The following SEMA5A variants were observed in gnomAD, a reference collection of about 807,000 sequenced individuals.
The protein encoded by SEMA5A is semaphorin-5A.
In SEMA5A, 55 loss-of-function variants were observed where a neutral mutation model predicts 135.5. The ratio of observed to expected loss-of-function variants is 0.41; its 90% CI spans 0.33 to 0.51. The LOEUF (loss-of-function observed/expected upper bound fraction) is 0.51, where lower values mean the gene tolerates loss of function less well. SEMA5A is among the 20% of genes least tolerant of loss of function. The probability of loss-of-function intolerance (pLI) is 0.37; values close to 1 mark genes in which losing one functional copy is unlikely to be tolerated. For missense variants in SEMA5A, 1,290 were observed against 1,419.9 expected, an observed-to-expected ratio of 0.91 and a Z score of 1.47; for synonymous variants, 580 against 546.5, an observed-to-expected ratio of 1.06 and a Z score of -0.85.
At chr5:9,434,343 T>G (rs1757958715) in intron 2 of SEMA5A, among the ~76,000 whole-genome samples, 1 of 152,190 alleles carries the variant, frequency 6.6e-6, no homozygotes, top group African/African-American at 2.4e-5. Context: ...CGTCTGTGAT[T>G]GTCTTCAATA....
chr5:9,330,446 T>C (rs1325623798), intron 4 of SEMA5A, among the ~76,000 whole-genome samples: 1 of 151,584 alleles, frequency 6.6e-6, no homozygotes, highest in African/African-American at 2.4e-5. Context: ...TGTTTTTGTT[T>C]TGTTTTGTTT....
intron 5 of SEMA5A, among the ~76,000 whole-genome samples, chr5:9,249,729 T>A (rs1410518575): frequency 1.3e-5 from 2 of 152,134 alleles, no homozygotes; most frequent in Non-Finnish European, 2.9e-5. Context: ...GATGTAGGGA[T>A]CTGGAGATGG....
At chr5:9,162,795 T>G (rs1743367584) in intron 11 of SEMA5A, among the ~76,000 whole-genome samples, 1 of 151,934 alleles carries the variant, frequency 6.6e-6, no homozygotes, top group Non-Finnish European at 1.5e-5. Flanking sequence ...GGAAGGGACG[T>G]AAAACAATAT....
chr5:9,236,890 G>A (rs1194595038), intron 6 of SEMA5A, among the ~76,000 whole-genome samples: 1 of 152,074 alleles, frequency 6.6e-6, no homozygotes, highest in Non-Finnish European at 1.5e-5. Context: ...TCAGTTAAAG[G>A]GCAGGGAAGC....
chr5:9,392,307 T>A (rs1487447066), intron 2 of SEMA5A, among the ~76,000 whole-genome samples: 1 of 152,218 alleles, frequency 6.6e-6, no homozygotes, highest in Non-Finnish European at 1.5e-5. Context: ...TTATATGAAA[T>A]TGATTTAAAG....
At chr5:9,446,249 C>G (rs1758428409) in intron 1 of SEMA5A, among the ~76,000 whole-genome samples, 1 of 152,144 alleles carries the variant, frequency 6.6e-6, no homozygotes, top group Non-Finnish European at 1.5e-5. Flanking sequence ...GGAGTAAACA[C>G]TTCCTATTTC....
chr5:9,423,577 G>A (rs1757544825), intron 2 of SEMA5A, among the ~76,000 whole-genome samples: 1 of 152,232 alleles, frequency 6.6e-6, no homozygotes, highest in African/African-American at 2.4e-5. Flanking sequence ...TGTGAGAAAT[G>A]TGAGCCTTAT....
At chr5:9,433,679 C>A (rs1757932365) in intron 2 of SEMA5A, among the ~76,000 whole-genome samples, 1 of 145,062 alleles carries the variant, frequency 6.9e-6, no homozygotes, top group African/African-American at 2.5e-5. Flanking sequence ...AAAAAATTAG[C>A]AAAGAAACAC....
intron 1 of SEMA5A, among the ~76,000 whole-genome samples, chr5:9,531,366 G>C (rs1737425811): frequency 6.6e-6 from 1 of 152,194 alleles, no homozygotes; most frequent in Non-Finnish European, 1.5e-5. Flanking sequence ...GCTTTGTGTG[G>C]TTTGACAGAT....
chr5:9,138,247 G>A (rs1162860034), intron 12 of SEMA5A, among the ~76,000 whole-genome samples: 1 of 152,114 alleles, frequency 6.6e-6, no homozygotes, highest in African/African-American at 2.4e-5. Context: ...AGGACAAGGG[G>A]AAAGCCTATT....
chr5:9,300,217 A>G (rs2150608466), intron 5 of SEMA5A, among the ~76,000 whole-genome samples: 1 of 152,216 alleles, frequency 6.6e-6, no homozygotes, highest in South Asian at 2.1e-4. Flanking sequence ...TTGTAGAGAC[A>G]GGGTTTCGCC....
chr5:9,378,847 TG>T (rs1356209019), intron 3 of SEMA5A, among the ~76,000 whole-genome samples: 1 of 152,126 alleles, frequency 6.6e-6, no homozygotes, highest in Non-Finnish European at 1.5e-5. Flanking sequence ...ATTTATTATT[TG>T]TTTGTTTGTT....
chr5:9,241,848 C>T (rs1748215946), intron 5 of SEMA5A, among the ~76,000 whole-genome samples: 1 of 152,082 alleles, frequency 6.6e-6, no homozygotes, highest in Non-Finnish European at 1.5e-5. Context: ...CACTCCACCG[C>T]CAGATAAGTT....
chr5:9,413,077 T>C (rs1757161672), intron 2 of SEMA5A, among the ~76,000 whole-genome samples: 1 of 152,102 alleles, frequency 6.6e-6, no homozygotes, highest in South Asian at 2.1e-4. Context: ...CTCCTAGCTA[T>C]GGGTACAAAG....
intron 5 of SEMA5A, among the ~76,000 whole-genome samples, chr5:9,312,628 C>G (rs1023532620): frequency 6.6e-6 from 1 of 152,168 alleles, no homozygotes; most frequent in African/African-American, 2.4e-5. Flanking sequence ...TTACCTCATA[C>G]AGATAACATT....
intron 16 of SEMA5A, among the ~76,000 whole-genome samples, chr5:9,077,859 A>C (rs1424307834): frequency 6.6e-6 from 1 of 152,238 alleles, no homozygotes; most frequent in Non-Finnish European, 1.5e-5. Context: ...TCTTGCTCAA[A>C]AGTGATGTAT....
chr5:9,071,944 C>G (rs754753428), intron 16 of SEMA5A, among the ~76,000 whole-genome samples: 10 of 152,162 alleles, frequency 6.6e-5, no homozygotes, highest in Admixed American at 4.6e-4. Context: ...GAAGTAGAAC[C>G]ATGCTCCCAG....
intron 13 of SEMA5A, among the ~76,000 whole-genome samples, chr5:9,128,179 G>A (rs776118720): frequency 1.6e-4 from 24 of 152,166 alleles, no homozygotes; most frequent in Non-Finnish European, 3.4e-4. Flanking sequence ...AATCTGTGGT[G>A]AGTTGGGCTG....
intron 18 of SEMA5A, among the ~76,000 whole-genome samples, chr5:9,061,766 A>G (rs1737195516): frequency 6.6e-6 from 1 of 152,180 alleles, no homozygotes; most frequent in South Asian, 2.1e-4. Flanking sequence ...CCCCAGGAAG[A>G]AGACCCAGAA....
Sources: gnomAD v4.1 joint callset for allele counts (sites outside exome capture counted in the v4.1 genomes callset) on GRCh38, gnomAD v4.1.1 for gene constraint, MANE v1.5 for transcripts, NCBI Gene and HGNC (gene_info 2026-07-23, HGNC 2026-07-21) for gene names.